The following RSRC1 variants were observed in gnomAD, a reference collection of about 807,000 sequenced individuals.
RSRC1 encodes the protein arginine and serine rich coiled-coil 1.
A neutral mutation model predicts 49.1 loss-of-function variants in RSRC1; 39 were observed. The ratio of observed to expected loss-of-function variants is 0.79; its 90% confidence interval spans 0.61 to 1.04. RSRC1 has a LOEUF of 1.04. Ranked by LOEUF, RSRC1 falls within the 50% of genes least tolerant of loss-of-function variation. The pLI is 0.00. For missense variants in RSRC1, 388 were observed against 402.4 expected (o/e 0.96, Z 0.31); for synonymous variants, 143 against 130.8 (o/e 1.09, Z -0.63).
chr3:158,507,560 A>G lies in RSRC1; in HGVS notation c.653-29532A>G, dbSNP rs991699264. Among the ~76,000 whole-genome samples, 36 of 152,178 alleles carry G rather than the reference A, an allele frequency of 2.4e-4. 1 individual carries two copies. The highest frequency in any genetic ancestry group is 2.4e-3 in the Admixed American group (36 of 15,276). ...TTCAGGGCTCACAGGGCAGGTTTTT[A>G]TAGGTGATATTATAAATGTTGTTCT... On this transcript the variant is annotated intron_variant, in intron 7 of 9. Coordinates refer to ENST00000611884, the MANE Select transcript of RSRC1 (RefSeq NM_001271838.2).
intron 6 of RSRC1, among the ~76,000 whole-genome samples, chr3:158,356,914 T>G (rs9824822): frequency 0.093 from 14,142 of 152,158 alleles, 2,240 homozygotes; most frequent in African/African-American, 0.33. Context: ...TCACAGTGTA[T>G]AACTTGCTTA....
At chr3:158,518,148 A>ATATTTTTTTTTTTTTTT (rs1310027981) in intron 7 of RSRC1, among the ~76,000 whole-genome samples, 1 of 44,138 alleles carries the variant, frequency 2.3e-5, no homozygotes, top group African/African-American at 1.5e-4. Flanking sequence ...ATATATATAT[A>ATATTTTTTTTTTTTTTT]TTTTTTTTTT....
intron 4 of RSRC1, among the ~76,000 whole-genome samples, chr3:158,249,502 C>T (rs1363830110): frequency 1.3e-5 from 2 of 152,140 alleles, no homozygotes; most frequent in Non-Finnish European, 2.9e-5. Context: ...AACAATTTGA[C>T]TTTTCATTCA....
chr3:158,392,888 C>G (rs1273978997), intron 6 of RSRC1, among the ~76,000 whole-genome samples: 1 of 152,088 alleles, frequency 6.6e-6, no homozygotes, highest in East Asian at 1.9e-4. Context: ...TTCTTCTCAT[C>G]TGCATATGGC....
chr3:158,539,707 CACTT>C lies in RSRC1; in HGVS notation c.759+2511_759+2514del, dbSNP rs1196116221. Among the ~76,000 whole-genome samples the C allele has an allele frequency of 5.3e-5, 8 of 152,090 alleles. No homozygotes were observed. The highest frequency in any genetic ancestry group is 2.1e-4 in the South Asian group (1 of 4,826). ...GAAAATTTTATCTTACAGTTTTTCT[CACTT>C]AAATAAAGAAGCAATTAGTGGTTCT... On this transcript the variant is annotated intron_variant, in intron 8 of 9. Coordinates refer to ENST00000611884, the MANE Select transcript of RSRC1 (RefSeq NM_001271838.2). This position sits in a 1 kb window ranked among gnomAD's most constrained non-coding sequence, Gnocchi z 4.1.
intron 6 of RSRC1, among the ~76,000 whole-genome samples, chr3:158,371,230 AAT>A (rs1732057813): frequency 6.6e-6 from 1 of 151,904 alleles, no homozygotes; most frequent in Non-Finnish European, 1.5e-5. Flanking sequence ...TTTTCTTAAC[AAT>A]GTTTTTTAAA....
chr3:158,238,007 A>G (rs1723337529), intron 4 of RSRC1, among the ~76,000 whole-genome samples: 1 of 152,202 alleles, frequency 6.6e-6, no homozygotes, highest in African/African-American at 2.4e-5. Context: ...CTGATAAGTA[A>G]CTTCAGCAAA....
At chr3:158,494,232 C>T (rs1739210907) in intron 7 of RSRC1, among the ~76,000 whole-genome samples, 1 of 152,106 alleles carries the variant, frequency 6.6e-6, no homozygotes, top group African/African-American at 2.4e-5. Flanking sequence ...AGGCTACAGA[C>T]CTTTACAGCA....
chr3:158,208,353 A>G (rs1159940774), intron 4 of RSRC1, among the ~76,000 whole-genome samples: 1 of 152,014 alleles, frequency 6.6e-6, no homozygotes, highest in African/African-American at 2.4e-5. Flanking sequence ...GAGCAACTGT[A>G]TTTCTTTTTT....
rs191973737 is a variant in RSRC1, at chr3:158,290,861, A to C, written c.495-7178A>C. 2.3e-3 allele frequency among the ~76,000 whole-genome samples: 353 copies of C among 152,300 alleles called. 3 individuals carry two copies. The highest frequency in any genetic ancestry group is 4.5e-3 in the Non-Finnish European group (303 of 68,018). On this transcript the variant is annotated intron_variant, in intron 4 of 9. Coordinates refer to ENST00000611884, the MANE Select transcript of RSRC1 (RefSeq NM_001271838.2). ...TGCAGCATACTAGTCTTTTAAAAGT[A>C]AATAATATGTTTAGTTCATGACAAA...
chr3:158,137,399 A>G (rs1055138129), intron 3 of RSRC1, among the ~76,000 whole-genome samples: 2 of 77,040 alleles, frequency 2.6e-5, no homozygotes, highest in African/African-American at 1.4e-4. Context: ...TACTGACCCA[A>G]TTAAATATAT....
At chr3:158,126,648 G>T (rs868687658) in intron 3 of RSRC1, among the ~76,000 whole-genome samples, 2 of 152,018 alleles carry the variant, frequency 1.3e-5, no homozygotes. Flanking sequence ...CTCTGTACTT[G>T]TGTATATATT....
rs1420376402 is a variant in RSRC1 at position 158,376,133 on chromosome 3, A to C, written c.583+21225A>C. The stretch of plus-strand genomic sequence containing the variant: ...TCCTATGGTCTACCTCCTGGAAAGA[A>C]TATATCCCTCCCTCCCTCCCTCCCT... On this transcript the variant is annotated intron_variant, in intron 6 of 9. Coordinates refer to ENST00000611884, the MANE Select transcript of RSRC1 (RefSeq NM_001271838.2). Among the ~76,000 whole-genome samples, 215 of 125,854 alleles carry C rather than the reference A, an allele frequency of 1.7e-3. 2 individuals carry two copies. Among genetic ancestry groups the C allele is most frequent in the Admixed American group, 5.7e-3 (75 of 13,182 alleles). The allele number at this position is 125,854 out of a possible 152,430, so 82.6% of individuals were successfully genotyped here. A position where few individuals can be genotyped will look rare whatever the true frequency, so the allele number is the denominator to read the frequency against.
intron 5 of RSRC1, chr3:158,303,477 C>T (rs895846438): frequency 2.0e-5 from 3 of 152,178 alleles, no homozygotes; most frequent in Non-Finnish European, 2.9e-5. Flanking sequence ...CTTTAATGTA[C>T]ATATGAGTCA....
chr3:158,225,128 T>TG (rs1317589697), intron 4 of RSRC1, among the ~76,000 whole-genome samples: 1 of 151,824 alleles, frequency 6.6e-6, no homozygotes, highest in African/African-American at 2.4e-5. Flanking sequence ...TTTTTACAGA[T>TG]CATCATGGTA....
chr3:158,339,063 A>C (rs1015407749), intron 5 of RSRC1, among the ~76,000 whole-genome samples: 8 of 151,486 alleles, frequency 5.3e-5, no homozygotes, highest in Non-Finnish European at 1.2e-4. Context: ...GAGGCCGAGG[A>C]GGATGGATCA....
intron 4 of RSRC1, among the ~76,000 whole-genome samples, chr3:158,240,897 C>T (rs1190774790): frequency 2.0e-5 from 3 of 152,052 alleles, no homozygotes; most frequent in Admixed American, 2.0e-4. Flanking sequence ...ATATACAATA[C>T]AATAAAATAA....
At chr3:158,441,528 G>A (rs4680436) in intron 6 of RSRC1, among the ~76,000 whole-genome samples, 78,296 of 151,622 alleles carry the variant, frequency 0.52, 20,642 homozygotes, top group South Asian at 0.6. Context: ...AAGATTTGGG[G>A]TCACAAGATG....
At chr3:158,267,878 T>C (rs1031856317) in intron 4 of RSRC1, among the ~76,000 whole-genome samples, 3 of 133,298 alleles carry the variant, frequency 2.3e-5, no homozygotes, top group African/African-American at 7.9e-5. Context: ...TTTTTTTTTT[T>C]GGCTTAAAAA....
Sources: gnomAD v4.1 joint callset for allele counts (sites outside exome capture counted in the v4.1 genomes callset) on GRCh38, gnomAD v4.1.1 for gene constraint, Gnocchi (gnomAD v3.1) non-coding constraint, MANE v1.5 for transcripts, NCBI Gene and HGNC (gene_info 2026-07-23, HGNC 2026-07-21) for gene names.